Variants in MICAL2 observed in about 807,000 individuals in gnomAD.
MICAL2 encodes the protein microtubule associated monooxygenase, calponin and LIM domain containing 2, also known as [F-actin]-monooxygenase MICAL2.
A neutral mutation model predicts 127.3 loss-of-function variants in MICAL2; 77 were observed. The ratio of observed to expected loss-of-function variants is 0.60; its 90% CI spans 0.50 to 0.73. The LOEUF (loss-of-function observed/expected upper bound fraction) is 0.73, where lower values mean the gene tolerates loss of function less well. MICAL2 is among the 30% of genes least tolerant of loss of function. MICAL2 has a pLI of 0.00. For missense variants in MICAL2, 1,351 were observed against 1,434.4 expected (o/e 0.94, Z 0.94); for synonymous variants, 570 against 551.1 (o/e 1.03, Z -0.48).
intron 30 of MICAL2, among the ~76,000 whole-genome samples, chr11:12,322,900 T>C (rs1164356735): frequency 6.6e-6 from 1 of 152,200 alleles, no homozygotes; most frequent in African/African-American, 2.4e-5. Context: ...AGCCTTATTA[T>C]TTCATTGAGT....
chr11:12,239,845 T>G (rs148100930), intron 17 of MICAL2, among the ~76,000 whole-genome samples: 1 of 152,168 alleles, frequency 6.6e-6, no homozygotes, highest in African/African-American at 2.4e-5. Flanking sequence ...AACAAATGAG[T>G]CTGGCTGTGT....
At chr11:12,219,008 T>C (rs10831768) in intron 8 of MICAL2, among the ~76,000 whole-genome samples, 83,468 of 152,080 alleles carry the variant, frequency 0.55, 24,001 homozygotes, top group East Asian at 0.95. Context: ...CATCTTCTCA[T>C]GTGGCTCTGT....
downstream of MICAL2, among the ~76,000 whole-genome samples, chr11:12,265,176 A>T (rs895260190): frequency 6.6e-6 from 1 of 152,248 alleles, no homozygotes; most frequent in Non-Finnish European, 1.5e-5. Flanking sequence ...GACTAGCAAG[A>T]TTCATTAGCA....
intron 3 of MICAL2, among the ~76,000 whole-genome samples, chr11:12,175,149 G>A (rs1856693746): frequency 6.6e-6 from 1 of 151,372 alleles, no homozygotes; most frequent in South Asian, 2.1e-4. Flanking sequence ...TTAAGTGCCT[G>A]CTACATGCCA....
In MICAL2 at chr11:12,162,071, T is replaced by G. The variant is rs1394396522; in HGVS notation, c.-77-8T>G. The G allele has an allele frequency of 5.7e-6, 9 of 1,576,946 alleles. No homozygotes were observed. Among genetic ancestry groups the G allele is most frequent in the Non-Finnish European group, 6.9e-6 (8 of 1,158,488 alleles). The stretch of plus-strand genomic sequence containing the variant: ...AAAGCTGACCTCTGCCTCCCCCTAC[T>G]TTCACAGGTGTGACGTTTCTCCAGA... On this transcript the variant is annotated splice_polypyrimidine_tract_variant and splice_region_variant and intron_variant, in intron 2 of 27. Transcript: ENST00000683283.
intron 1 of MICAL2, among the ~76,000 whole-genome samples, chr11:12,121,143 G>C (rs1035994593): frequency 5.9e-5 from 9 of 152,240 alleles, no homozygotes; most frequent in Non-Finnish European, 1.2e-4. Flanking sequence ...GTACACCCAA[G>C]TGTGGCTGTC....
chr11:12,356,797 T>A (rs1357637240), intron 34 of MICAL2, among the ~76,000 whole-genome samples: 1 of 152,226 alleles, frequency 6.6e-6, no homozygotes, highest in Non-Finnish European at 1.5e-5. Flanking sequence ...GCTCCGCCCA[T>A]GCCGCATACA....
intron 29 of MICAL2, among the ~76,000 whole-genome samples, chr11:12,305,089 A>G (rs1864093425): frequency 6.6e-6 from 1 of 152,072 alleles, no homozygotes; most frequent in Non-Finnish European, 1.5e-5. Context: ...GATACCTGAA[A>G]CCATGGATAA....
chr11:12,249,295 A>C (rs759937227), intron 22 of MICAL2, 49 bp downstream of exon 22: 1 of 1,079,656 alleles, frequency 9.3e-7, no homozygotes, highest in Non-Finnish European at 1.4e-6. Context: ...GCAAAGGGGG[A>C]TTATCAGACC....
exon 32 of MICAL2, chr11:12,327,254 CGAG>C: frequency 6.5e-7 from 1 of 1,550,200 alleles, no homozygotes; most frequent in Non-Finnish European, 8.7e-7. Context: ...GAAGGCGTTG[CGAG>C]GAGAAGCAGG....
chr11:12,125,719 G>A (rs537780319), intron 1 of MICAL2, among the ~76,000 whole-genome samples: 8 of 152,302 alleles, frequency 5.3e-5, no homozygotes, highest in South Asian at 2.1e-4. Context: ...ATCACGGTCC[G>A]GAAACAGACA....
intron 15 of MICAL2, 38 bp downstream of exon 15, chr11:12,227,169 C>T (rs1404169195): frequency 7.1e-7 from 1 of 1,399,800 alleles, no homozygotes; most frequent in South Asian, 1.2e-5. Context: ...TTTCCCATTG[C>T]ACATGGACGG....
chr11:12,271,558 A>T (rs1307080786), upstream of MICAL2, among the ~76,000 whole-genome samples: 1 of 152,154 alleles, frequency 6.6e-6, no homozygotes, highest in East Asian at 1.9e-4. Flanking sequence ...TCCTGTGAGG[A>T]TGCTAATACC....
rs117803566 is a variant in MICAL2, at chr11:12,141,796, A to G, written c.-78+3336A>G. ...AACCCTTGTGATCAGGGGTGACCAG[A>G]CACTTTGGAGAAATAAAGGGAATAG... On this transcript the variant is annotated intron_variant, in intron 2 of 27. Transcript: ENST00000683283. Among the ~76,000 whole-genome samples, 60 of 152,342 alleles carry G rather than the reference A, an allele frequency of 3.9e-4. No homozygotes were observed. In the East Asian group the frequency reaches 0.011, roughly 28 times the overall value.
intron 2 of MICAL2, chr11:12,161,874 G>A (rs1415055430): frequency 2.1e-6 from 1 of 475,432 alleles, no homozygotes; most frequent in Non-Finnish European, 3.8e-6. Flanking sequence ...GAGCATAGGG[G>A]AAGAGATTAC....
chr11:12,361,614 C>T (rs1385914279), downstream of MICAL2, among the ~76,000 whole-genome samples: 2 of 152,200 alleles, frequency 1.3e-5, no homozygotes. Flanking sequence ...TGTTAGGCTG[C>T]TTGGAATCAA....
intron 3 of MICAL2, among the ~76,000 whole-genome samples, chr11:12,166,171 A>C (rs1163952088): frequency 6.6e-6 from 1 of 152,214 alleles, no homozygotes; most frequent in Non-Finnish European, 1.5e-5. Flanking sequence ...TTATATATAA[A>C]TCTTTAATGC....
At chr11:12,267,219 G>A (rs1466162714), downstream of MICAL2, among the ~76,000 whole-genome samples, 2 of 152,180 alleles carry the variant, frequency 1.3e-5, no homozygotes, top group African/African-American at 4.8e-5. Flanking sequence ...CAAGGAGGGG[G>A]CATAGGCTCT....
intron 34 of MICAL2, among the ~76,000 whole-genome samples, chr11:12,356,334 TAAAC>T (rs1398386033): frequency 6.6e-6 from 1 of 152,184 alleles, no homozygotes; most frequent in Non-Finnish European, 1.5e-5. Context: ...TGCAATAACT[TAAAC>T]AATCCGTGTA....
Sources: gnomAD v4.1 joint callset for allele counts (sites outside exome capture counted in the v4.1 genomes callset) on GRCh38, gnomAD v4.1.1 for gene constraint, MANE v1.5 for transcripts, NCBI Gene and HGNC (gene_info 2026-07-23, HGNC 2026-07-21) for gene names.